Variants in DTWD2 observed in about 807,000 individuals in gnomAD.
The protein encoded by DTWD2 is tRNA-uridine aminocarboxypropyltransferase 2.
DTWD2 carries 39 observed loss-of-function variants against 31.8 expected under a neutral mutation model. The ratio of observed to expected loss-of-function variants is 1.22; its 90% CI spans 0.95 to 1.60. The LOEUF is 1.60. DTWD2 is among the 40% of genes most tolerant of loss of function. The probability of loss-of-function intolerance (pLI) is 0.00; values close to 1 mark genes in which losing one functional copy is unlikely to be tolerated. For missense variants in DTWD2, 515 were observed against 381.5 expected, an observed-to-expected ratio of 1.35 and a Z score of -2.92; for synonymous variants, 180 against 142.8, an observed-to-expected ratio of 1.26 and a Z score of -1.86.
intron 1 of DTWD2, among the ~76,000 whole-genome samples, chr5:118,956,682 C>G (rs1449074929): frequency 6.6e-6 from 1 of 152,046 alleles, no homozygotes; most frequent in Non-Finnish European, 1.5e-5. Context: ...GATTAGTGAA[C>G]AGATTTACAA....
In DTWD2 at chr5:118,913,875, C is replaced by T. The variant is rs6870076; in HGVS notation, c.597+14662G>A. The stretch of plus-strand genomic sequence containing the variant: ...ATAAAATACAACTAACAAAAACTGC[C>T]GATTAGGCTGGTAGTATAGTGGTTT... On this transcript the variant is annotated intron_variant, in intron 4 of 5. Transcript: ENST00000510708. Among the ~76,000 whole-genome samples, 805 of 151,728 alleles carry T rather than the reference C, an allele frequency of 5.3e-3. 4 individuals carry two copies. Among genetic ancestry groups the T allele is most frequent in the African/African-American group, 0.019 (772 of 41,366 alleles).
chr5:118,947,365 G>T (rs1001953599), intron 1 of DTWD2, among the ~76,000 whole-genome samples: 3 of 152,230 alleles, frequency 2.0e-5, no homozygotes, highest in African/African-American at 7.2e-5. Flanking sequence ...TATTGCCGAT[G>T]AAAGTGGCTC....
intron 5 of DTWD2, among the ~76,000 whole-genome samples, chr5:118,843,145 C>T (rs1440103993): frequency 6.6e-5 from 10 of 151,618 alleles, no homozygotes; most frequent in South Asian, 2.1e-4. Context: ...TTAGTAGAGA[C>T]GGGGTTTCAC....
intron 4 of DTWD2, among the ~76,000 whole-genome samples, chr5:118,880,079 A>G (rs902771687): frequency 1.3e-5 from 2 of 152,236 alleles, no homozygotes; most frequent in African/African-American, 4.8e-5. Context: ...ATGAAGAATT[A>G]TATTTTGACA....
chr5:118,848,052 C>T (rs1477431997), intron 5 of DTWD2, 38 bp downstream of exon 5: 3 of 1,467,818 alleles, frequency 2.0e-6, no homozygotes, highest in East Asian at 2.5e-5. Flanking sequence ...TCTAAGAAAA[C>T]TCCCACTTTG....
At chr5:118,896,846 A>G (rs1753094303) in intron 4 of DTWD2, among the ~76,000 whole-genome samples, 1 of 152,192 alleles carries the variant, frequency 6.6e-6, no homozygotes, top group African/African-American at 2.4e-5. Context: ...GACCCAGCTG[A>G]GTACAACCTT....
At chr5:118,945,933 A>G (rs1754330081) in intron 1 of DTWD2, among the ~76,000 whole-genome samples, 1 of 152,194 alleles carries the variant, frequency 6.6e-6, no homozygotes, top group Non-Finnish European at 1.5e-5. Flanking sequence ...AATTTCCAAT[A>G]CCATACATAC....
chr5:118,973,655 GCGGCAGCCTCCTTGCTCGC>G (rs1755049100), intron 1 of DTWD2: 8 of 816,246 alleles, frequency 9.8e-6, no homozygotes, highest in African/African-American at 1.7e-5. Context: ...CTCCTTGCTC[GCGGCAGCCTCCTTGCTCGC>G]CGCAGCCGCC....
chr5:118,939,759 T>A (rs965361876), intron 2 of DTWD2, among the ~76,000 whole-genome samples: 3 of 152,036 alleles, frequency 2.0e-5, no homozygotes, highest in African/African-American at 4.8e-5. Context: ...AAAATTTTTT[T>A]AAAAAAGAAA....
intron 5 of DTWD2, among the ~76,000 whole-genome samples, chr5:118,845,787 G>A (rs1353888084): frequency 6.6e-6 from 1 of 152,128 alleles, no homozygotes; most frequent in African/African-American, 2.4e-5. Context: ...TTTGCCTTTT[G>A]TTAGATATTA....
At chr5:118,984,847 T>C (rs1259794418) in intron 1 of DTWD2, among the ~76,000 whole-genome samples, 1 of 152,170 alleles carries the variant, frequency 6.6e-6, no homozygotes, top group Non-Finnish European at 1.5e-5. Flanking sequence ...AAAAGTATAA[T>C]TAAGATGCCT....
chr5:118,922,857 C>T (rs1220615605), intron 4 of DTWD2, among the ~76,000 whole-genome samples: 7 of 152,238 alleles, frequency 4.6e-5, no homozygotes, highest in African/African-American at 1.7e-4. Context: ...ACCCCAACCT[C>T]AATAAAAGGG....
At chr5:118,946,859 C>T (rs1013397419) in intron 1 of DTWD2, among the ~76,000 whole-genome samples, 4 of 152,096 alleles carry the variant, frequency 2.6e-5, no homozygotes, top group African/African-American at 4.8e-5. Flanking sequence ...TCGTGTCTCA[C>T]CCTCCTGAAT....
chr5:118,884,996 C>CAAAA lies in DTWD2; in HGVS notation c.598-36782_598-36779dup, dbSNP rs36042211. ...GGGGGACAGAGTGAGACTCCATCTC[C>CAAAA]AAAAAAAAAAAAAAAAAAAAAAATC... On this transcript the variant is annotated intron_variant, in intron 4 of 5. Transcript: ENST00000510708. 1.5e-3 allele frequency among the ~76,000 whole-genome samples: 73 copies of CAAAA among 49,730 alleles called. 1 individual carries two copies. The highest frequency in any genetic ancestry group is 5.0e-3 in the African/African-American group (60 of 11,988). 32.6% of individuals were successfully genotyped at this position (49,730 alleles called of 152,430 possible). A position where few individuals can be genotyped will look rare whatever the true frequency, so the allele number is the denominator to read the frequency against.
intron 3 of DTWD2, among the ~76,000 whole-genome samples, chr5:118,935,343 C>T (rs1754015931): frequency 6.6e-6 from 1 of 152,142 alleles, no homozygotes; most frequent in African/African-American, 2.4e-5. Flanking sequence ...TGAAGCTGAT[C>T]AGTCAGAAGT....
intron 3 of DTWD2, among the ~76,000 whole-genome samples, chr5:118,937,529 T>G (rs1220298719): frequency 6.6e-6 from 1 of 152,208 alleles, no homozygotes; most frequent in African/African-American, 2.4e-5. Context: ...TCCCTCCCTG[T>G]GTGGTGTTTG....
chr5:118,973,197 A>T (rs1679837717), intron 1 of DTWD2, among the ~76,000 whole-genome samples: 1 of 149,670 alleles, frequency 6.7e-6, no homozygotes, highest in African/African-American at 2.5e-5. Flanking sequence ...ATGGGTCTTG[A>T]CTCTTTATCC....
chr5:118,866,852 G>A (rs1580775202), intron 4 of DTWD2, among the ~76,000 whole-genome samples: 1 of 152,014 alleles, frequency 6.6e-6, no homozygotes, highest in Non-Finnish European at 1.5e-5. Flanking sequence ...GGGAGGCAGA[G>A]GTTGCAGTGA....
Position 118,893,501 on chromosome 5 carries a change from G to A in DTWD2, c.597+35036C>T, listed in dbSNP as rs1753019315. The stretch of plus-strand genomic sequence containing the variant: ...AATTGATTACCCATAGAGGATATGT[G>A]GAAATAAGAAAGAAGGGATATAGAA... On this transcript the variant is annotated intron_variant, in intron 4 of 5. Transcript: ENST00000510708. Among the ~76,000 whole-genome samples the A allele has an allele frequency of 2.0e-5, 3 of 151,934 alleles. 1 individual carries two copies. The highest frequency in any genetic ancestry group is 4.4e-5 in the Non-Finnish European group (3 of 68,010).
Sources: allele counts gnomAD v4.1 joint callset (sites outside exome capture counted in the v4.1 genomes callset), GRCh38; gene constraint gnomAD v4.1.1; transcripts MANE v1.5; gene names NCBI Gene and HGNC (gene_info 2026-07-23, HGNC 2026-07-21).